The following CMSS1 variants were observed in gnomAD, a reference collection of about 807,000 sequenced individuals.
The protein encoded by CMSS1 is protein CMSS1.
In CMSS1, 33 loss-of-function variants were observed where a neutral mutation model predicts 43.5. That is an observed-to-expected ratio of 0.76 (90% CI 0.57 to 1.01). CMSS1 has a LOEUF of 1.01. Among genes scored for constraint, CMSS1 ranks in the 50% least tolerant of loss-of-function variants. The probability of loss-of-function intolerance (pLI) is 0.00; values close to 1 mark genes in which losing one functional copy is unlikely to be tolerated. For synonymous variants in CMSS1, 115 were observed against 117.2 expected (o/e 0.98, Z 0.12); for missense variants, 313 against 326.4 (o/e 0.96, Z 0.32).
intron 1 of CMSS1, among the ~76,000 whole-genome samples, chr3:100,028,397 A>C (rs1377012581): frequency 6.6e-6 from 1 of 152,178 alleles, no homozygotes; most frequent in African/African-American, 2.4e-5. Context: ...GGTTATTGCT[A>C]TATTCCAGGC....
chr3:99,889,195 A>G (rs1559677085), intron 1 of CMSS1, among the ~76,000 whole-genome samples: 1 of 152,138 alleles, frequency 6.6e-6, no homozygotes, highest in Non-Finnish European at 1.5e-5. Context: ...ATAACTAACA[A>G]GGATGTGCTG....
chr3:99,929,756 G>T, intron 1 of CMSS1: 1 of 847,764 alleles, frequency 1.2e-6, no homozygotes, highest in Non-Finnish European at 1.8e-6. Flanking sequence ...GCGTTAGAAA[G>T]TAAAACTGTA....
rs147669889 is a variant in CMSS1, at chr3:99,942,157, G to A, written c.64+124114G>A. ...TGGAGCTTTGTAGTGAGCCGAGATC[G>A]TGCCACTGCACTCCAGCCTGGGTGA... On this transcript the variant is annotated intron_variant, in intron 1 of 9. Coordinates refer to ENST00000421999, the MANE Select transcript of CMSS1 (RefSeq NM_032359.4). Among the ~76,000 whole-genome samples the A allele has an allele frequency of 4.5e-3, 686 of 151,596 alleles. 7 individuals carry two copies. The highest frequency in any genetic ancestry group is 0.016 in the African/African-American group (670 of 41,298).
intron 1 of CMSS1, among the ~76,000 whole-genome samples, chr3:99,990,108 T>C (rs1709469149): frequency 6.6e-6 from 1 of 152,204 alleles, no homozygotes. Context: ...ATATTGAACT[T>C]ATATTTACCC....
intron 1 of CMSS1, among the ~76,000 whole-genome samples, chr3:99,990,356 T>G (rs1011428053): frequency 2.6e-5 from 4 of 152,170 alleles, no homozygotes; most frequent in Non-Finnish European, 4.4e-5. Flanking sequence ...TTAATATTGA[T>G]CCGTTCAATC....
intron 1 of CMSS1, among the ~76,000 whole-genome samples, chr3:100,034,399 C>T (rs1272525475): frequency 6.6e-6 from 1 of 152,122 alleles, no homozygotes; most frequent in Non-Finnish European, 1.5e-5. Context: ...TGATTATGGC[C>T]AGATGTAATG....
At chr3:100,067,835 A>G (rs2065692607) in intron 1 of CMSS1, among the ~76,000 whole-genome samples, 1 of 152,216 alleles carries the variant, frequency 6.6e-6, no homozygotes, top group Admixed American at 6.5e-5. Flanking sequence ...ATGGCCACCC[A>G]GGAGGACTCT....
intron 1 of CMSS1, among the ~76,000 whole-genome samples, chr3:100,074,721 T>C (rs2065822720): frequency 7.6e-6 from 1 of 131,860 alleles, no homozygotes; most frequent in Non-Finnish European, 1.6e-5. Context: ...TGAGACGAAG[T>C]CTCACTCTGT....
At chr3:99,967,574 A>G (rs1381134684) in intron 1 of CMSS1, among the ~76,000 whole-genome samples, 1 of 152,164 alleles carries the variant, frequency 6.6e-6, no homozygotes, top group Non-Finnish European at 1.5e-5. Context: ...CTACACCTGG[A>G]TGGGAAATCC....
At chr3:99,954,964 A>G (rs776522745) in intron 1 of CMSS1, among the ~76,000 whole-genome samples, 10 of 152,260 alleles carry the variant, frequency 6.6e-5, no homozygotes, top group Non-Finnish European at 1.2e-4. Flanking sequence ...ATCACTTTGA[A>G]TAGAAAAATC....
At chr3:100,113,414 CT>C (rs1464917834) in intron 1 of CMSS1, among the ~76,000 whole-genome samples, 3 of 152,214 alleles carry the variant, frequency 2.0e-5, no homozygotes, top group Non-Finnish European at 4.4e-5. Context: ...AGAACAAGTT[CT>C]TGATAGGTAT....
chr3:99,891,694 T>C (rs969873619), intron 1 of CMSS1, among the ~76,000 whole-genome samples: 11 of 152,292 alleles, frequency 7.2e-5, no homozygotes, highest in Admixed American at 7.2e-4. Flanking sequence ...GAAAACTATG[T>C]CTAAAAGGAA....
At chr3:99,892,827 T>C (rs1304120038) in intron 1 of CMSS1, among the ~76,000 whole-genome samples, 2 of 152,254 alleles carry the variant, frequency 1.3e-5, no homozygotes, top group African/African-American at 2.4e-5. Context: ...ATTTTATCCT[T>C]GATCTAAACA....
chr3:100,177,916 C>T (rs2067161172), intron 9 of CMSS1, among the ~76,000 whole-genome samples: 1 of 152,116 alleles, frequency 6.6e-6, no homozygotes, highest in Admixed American at 6.6e-5. Context: ...GCCAAGAGTT[C>T]AAGACCAGAC....
intron 1 of CMSS1, among the ~76,000 whole-genome samples, chr3:100,074,674 G>GTTTTTTTTTT (rs1559748772): frequency 1.2e-4 from 3 of 25,112 alleles, no homozygotes; most frequent in Non-Finnish European, 2.5e-4. Context: ...TGCAACATTT[G>GTTTTTTTTTT]ATTTTTTTTT....
At chr3:100,146,054 A>T (rs2066846774) in intron 1 of CMSS1, among the ~76,000 whole-genome samples, 1 of 152,230 alleles carries the variant, frequency 6.6e-6, no homozygotes, top group South Asian at 2.1e-4. Context: ...TTCACATTTG[A>T]GGCTCACTTT....
intron 1 of CMSS1, among the ~76,000 whole-genome samples, chr3:100,014,895 C>T (rs376334525): frequency 0.21 from 5,007 of 24,016 alleles, 1 homozygote; most frequent in Middle Eastern, 0.38. Flanking sequence ...TTCTTTCTTT[C>T]TTTTTTTTTT....
intron 1 of CMSS1, among the ~76,000 whole-genome samples, chr3:99,823,925 C>CTTTTTTTT (rs1288112808): frequency 7.0e-6 from 1 of 141,978 alleles, no homozygotes; most frequent in Non-Finnish European, 1.5e-5. Flanking sequence ...TTCTTTCTTT[C>CTTTTTTTT]TTTTTTTTTT....
At chr3:100,099,053 A>C (rs1197356225) in intron 1 of CMSS1, among the ~76,000 whole-genome samples, 1 of 152,188 alleles carries the variant, frequency 6.6e-6, no homozygotes, top group Non-Finnish European at 1.5e-5. Flanking sequence ...GGAGTTTTCA[A>C]ATTTCTACCA....
Sources: allele counts gnomAD v4.1 joint callset (sites outside exome capture counted in the v4.1 genomes callset), GRCh38; gene constraint gnomAD v4.1.1; transcripts MANE v1.5; gene names NCBI Gene and HGNC (gene_info 2026-07-23, HGNC 2026-07-21).